LRRC27: variants seen among roughly 807,000 people sequenced by gnomAD.
LRRC27 encodes leucine rich repeat containing 27.
In LRRC27, 57 loss-of-function variants were observed where a neutral mutation model predicts 55.0. The observed-to-expected ratio is 1.04, with a 90% CI of 0.84 to 1.29. The LOEUF (loss-of-function observed/expected upper bound fraction) is 1.29, where lower values mean the gene tolerates loss of function less well. Among genes scored for constraint, LRRC27 ranks in the 50% most tolerant of loss-of-function variants. The pLI is 0.00. For synonymous variants in LRRC27, 278 were observed against 251.9 expected (o/e 1.10, Z -0.98); for missense variants, 721 against 651.5 (o/e 1.11, Z -1.16).
At position 132,375,434 on chromosome 10, in the gene LRRC27, G is replaced by A. The variant is rs1221286973; in HGVS notation, c.*192G>A. 4.8e-5 allele frequency: 26 copies of A among 536,732 alleles called. No individual in the cohort carries two copies. Among genetic ancestry groups the A allele is most frequent in the East Asian group, 4.8e-4 (15 of 31,180 alleles). The allele number at this position is 536,732 out of a possible 1,614,324, so 33.2% of individuals were successfully genotyped here. A position where few individuals can be genotyped will look rare whatever the true frequency, so the allele number is the denominator to read the frequency against. Reference sequence around the variant, plus strand: ...CCTGAGGCTGTGGAAGATTTCAGCCGTATTAAAAGAAAGGACACTGTGAGC... The same window carrying A: ...CCTGAGGCTGTGGAAGATTTCAGCCATATTAAAAGAAAGGACACTGTGAGC... On this transcript the variant is annotated 3_prime_UTR_variant, in exon 11 of 11. Coordinates refer to ENST00000368614, the MANE Select transcript of LRRC27 (RefSeq NM_030626.3).
intron 9 of LRRC27, among the ~76,000 whole-genome samples, chr10:132,363,927 A>G (rs1320727283): frequency 6.6e-6 from 1 of 152,010 alleles, no homozygotes; most frequent in Admixed American, 6.6e-5. Context: ...AGGTTGTATT[A>G]ACTCCCCAAC....
At chr10:132,367,557 G>A (rs4437956) in intron 10 of LRRC27, among the ~76,000 whole-genome samples, 38,974 of 152,096 alleles carry the variant, frequency 0.26, 6,215 homozygotes, top group African/African-American at 0.46. Context: ...CTAATTCAAC[G>A]TTCAAAAATC....
chr10:132,331,794 C>T (rs749627139), upstream of LRRC27: 12 of 1,600,074 alleles, frequency 7.5e-6, no homozygotes, highest in Non-Finnish European at 1.0e-5. Flanking sequence ...CCCTCGCGGT[C>T]TCTACTTGCC....
chr10:132,375,112 C>T lies in LRRC27; in HGVS notation c.1463C>T (p.Thr488Ile), dbSNP rs948439062. The T allele has an allele frequency of 6.2e-7, 1 of 1,614,048 alleles. No individual in the cohort carries two copies. The highest frequency in any genetic ancestry group is 8.5e-7 in the Non-Finnish European group (1 of 1,179,950). Residue 488 changes from threonine to isoleucine, a missense_variant, in exon 11 of 11, where the codon ACC becomes ATC. Coordinates refer to ENST00000368614, the MANE Select transcript of LRRC27 (RefSeq NM_030626.3). ...DEVLKLKLGL[T>I]LNKDRRRAAL... ...GTATTGAAGCTAAAATTGGGATTAACCTTGAACAAAGATCGTCGACGGGCG... is the reference window on the plus strand; with the variant it reads ...GTATTGAAGCTAAAATTGGGATTAATCTTGAACAAAGATCGTCGACGGGCG...
intron 5 of LRRC27, among the ~76,000 whole-genome samples, chr10:132,345,513 C>A (rs2067638379): frequency 6.6e-6 from 1 of 152,178 alleles, no homozygotes; most frequent in South Asian, 2.1e-4. Context: ...ATATTTTAAC[C>A]AGGTTATAGT....
rs2067589731 is a variant in LRRC27 at position 132,344,657 on chromosome 10, A to C, written c.553+7A>C. On this transcript the variant is annotated splice_region_variant and intron_variant, in intron 5 of 10. Transcript: ENST00000368614. ...AGAAATCCAACTTCTCAAGGTTTGTAGGAGGTGATTTATGACAAATCACAT... is the reference window on the plus strand; with the variant it reads ...AGAAATCCAACTTCTCAAGGTTTGTCGGAGGTGATTTATGACAAATCACAT... The C allele has an allele frequency of 1.2e-6, 2 of 1,612,784 alleles. No homozygotes were observed. Among genetic ancestry groups the C allele is most frequent in the African/African-American group, 2.7e-5 (2 of 75,034 alleles).
At chr10:132,340,551 T>G (rs923748274) in intron 3 of LRRC27, among the ~76,000 whole-genome samples, 1 of 152,154 alleles carries the variant, frequency 6.6e-6, no homozygotes, top group African/African-American at 2.4e-5. Flanking sequence ...GTTGGCTGGT[T>G]TTATACTAGC....
chr10:132,355,165 T>A (rs2068250728), intron 7 of LRRC27, among the ~76,000 whole-genome samples: 1 of 152,134 alleles, frequency 6.6e-6, no homozygotes, highest in Admixed American at 6.5e-5. Context: ...AACCTCTGCC[T>A]CCTGGGTTCA....
intron 5 of LRRC27, among the ~76,000 whole-genome samples, chr10:132,346,197 G>A (rs562629188): frequency 6.6e-6 from 1 of 152,194 alleles, no homozygotes; most frequent in African/African-American, 2.4e-5. Flanking sequence ...CTGCTGATGG[G>A]GTGCGGGGTC....
At chr10:132,347,931 C>A in intron 5 of LRRC27, 53 bp from the exon 6 acceptor site, 2 of 1,532,652 alleles carry the variant, frequency 1.3e-6, no homozygotes, top group South Asian at 2.6e-5. Flanking sequence ...TTGAATAAGT[C>A]ACAGAGGGAT....
chr10:132,345,633 C>T (rs1368974895), intron 5 of LRRC27, among the ~76,000 whole-genome samples: 1 of 152,188 alleles, frequency 6.6e-6, no homozygotes, highest in Non-Finnish European at 1.5e-5. Flanking sequence ...GCTGGACTGG[C>T]AGTGTGGAGG....
chr10:132,331,951 G>T, upstream of LRRC27: 6 of 470,416 alleles, frequency 1.3e-5, no homozygotes, highest in South Asian at 2.8e-5. Context: ...CCGCCCCAGC[G>T]CAGGCGCACC....
Position 132,356,562 on chromosome 10 carries a change from C to T in LRRC27, c.1170+676C>T, listed in dbSNP as rs982229731. Among the ~76,000 whole-genome samples the T allele has an allele frequency of 4.0e-4, 32 of 80,152 alleles. No homozygotes were observed. The East Asian group carries it at 9.3e-3, about 23-fold the overall frequency. The allele number at this position is 80,152 out of a possible 152,430, so 52.6% of individuals were successfully genotyped here. A position where few individuals can be genotyped will look rare whatever the true frequency, so the allele number is the denominator to read the frequency against. ...ATGGGACATGGGATATCCTGAGTACCGTCCCCCAAGATTGCCAGCTCTTAA... is the reference window on the plus strand; with the variant it reads ...ATGGGACATGGGATATCCTGAGTACTGTCCCCCAAGATTGCCAGCTCTTAA... On this transcript the variant is annotated intron_variant, in intron 8 of 10. Transcript: ENST00000368614.
intron 9 of LRRC27, among the ~76,000 whole-genome samples, chr10:132,364,108 C>T (rs538224167): frequency 1.6e-4 from 24 of 152,098 alleles, no homozygotes; most frequent in African/African-American, 2.2e-4. Flanking sequence ...GAGTCTGAGG[C>T]GCTGACACAG....
rs75125756 is a variant in LRRC27, at chr10:132,381,505, T to C, written c.*6263T>C. On this transcript the variant is annotated 3_prime_UTR_variant, in exon 11 of 11. Transcript: ENST00000368614. ...TCTCCTTAATAAACTCCATTTCATA[T>C]GTATATATATCCTATTCTGTCCTTC... 6.6e-4 allele frequency among the ~76,000 whole-genome samples: 100 copies of C among 152,352 alleles called. No individual in the cohort carries two copies. Among genetic ancestry groups the C allele is most frequent in the African/African-American group, 2.3e-3 (97 of 41,580 alleles).
At chr10:132,331,987 G>T, upstream of LRRC27, 1 of 433,946 alleles carries the variant, frequency 2.3e-6, no homozygotes, top group Non-Finnish European at 3.9e-6. Flanking sequence ...CCGGGCAGGC[G>T]CACCACACCC....
rs1465183758 is a variant in LRRC27, at chr10:132,379,542, A to G, written c.*4300A>G. 6.6e-6 allele frequency: 1 copy of G among 151,680 alleles called. No individual in the cohort carries two copies. The highest frequency in any genetic ancestry group is 1.5e-5 in the Non-Finnish European group (1 of 67,960). The allele number at this position is 151,680 out of a possible 1,614,324, so 9.4% of individuals were successfully genotyped here. A position where few individuals can be genotyped will look rare whatever the true frequency, so the allele number is the denominator to read the frequency against. ...CTCGTGCATGCCATCCACCTTTTCC[A>G]CTAGATCCTTTTACATCATCATTAT... is the stretch of plus-strand genomic sequence containing the variant. On this transcript the variant is annotated 3_prime_UTR_variant, in exon 11 of 11. Coordinates refer to ENST00000368614, the MANE Select transcript of LRRC27 (RefSeq NM_030626.3).
chr10:132,365,665 A>G (rs1354084810), intron 10 of LRRC27, 115 bp downstream of exon 10: 18 of 1,319,864 alleles, frequency 1.4e-5, no homozygotes, highest in Non-Finnish European at 1.0e-6. Context: ...GCGGTGGCAC[A>G]ATCTCGGCTC....
chr10:132,343,667 A>G (rs139559708), intron 4 of LRRC27, among the ~76,000 whole-genome samples: 2 of 152,384 alleles, frequency 1.3e-5, no homozygotes, highest in African/African-American at 4.8e-5. Flanking sequence ...CCAACAAGGC[A>G]TTTGCAGTTT....
Sources: gnomAD v4.1 joint callset for allele counts (sites outside exome capture counted in the v4.1 genomes callset) on GRCh38, gnomAD v4.1.1 for gene constraint, MANE v1.5 for transcripts, NCBI Gene and HGNC (gene_info 2026-07-23, HGNC 2026-07-21) for gene names.